Variants in PRKN observed in about 807,000 individuals in gnomAD.
PRKN encodes E3 ubiquitin-protein ligase parkin.
A neutral mutation model predicts 59.5 loss-of-function variants in PRKN; 56 were observed. The ratio of observed to expected loss-of-function variants is 0.94; its 90% CI spans 0.76 to 1.18. The LOEUF is 1.18. Ranked by LOEUF, PRKN falls within the 50% of genes most tolerant of loss-of-function variation. The pLI is 0.00. For missense variants in PRKN, 657 were observed against 596.4 expected, an observed-to-expected ratio of 1.10 and a Z score of -1.06; for synonymous variants, 250 against 222.1, an observed-to-expected ratio of 1.13 and a Z score of -1.12.
chr6:162,203,170 T>C (rs1276887606), intron 3 of PRKN, among the ~76,000 whole-genome samples: 1 of 152,140 alleles, frequency 6.6e-6, no homozygotes, highest in Non-Finnish European at 1.5e-5. Flanking sequence ...GCAATATTGT[T>C]TCAGCTAATG....
intron 6 of PRKN, among the ~76,000 whole-genome samples, chr6:161,953,920 G>A (rs1002246666): frequency 6.6e-6 from 1 of 152,144 alleles, no homozygotes; most frequent in South Asian, 2.1e-4. Flanking sequence ...ACCTGGGCTT[G>A]AGACCCTACT....
At chr6:161,752,195 C>A (rs138411031) in intron 7 of PRKN, among the ~76,000 whole-genome samples, 62 of 152,122 alleles carry the variant, frequency 4.1e-4, no homozygotes, top group African/African-American at 1.4e-3. Context: ...CGTGGTGAAA[C>A]CCTGTCTCTA....
rs1261159489 is a variant in PRKN, at chr6:161,371,351, G to T, written c.1168-11146C>A. Among the ~76,000 whole-genome samples the T allele has an allele frequency of 1.3e-5, 2 of 152,036 alleles. No individual in the cohort carries two copies. The highest frequency in any genetic ancestry group is 1.3e-4 in the Admixed American group (2 of 15,270). ...GGCTACTTGGGAGGCTGAGGGAGGAGACGGAGTTTCACCATGTTGGCCAGG... is the reference window on the plus strand; with the variant it reads ...GGCTACTTGGGAGGCTGAGGGAGGATACGGAGTTTCACCATGTTGGCCAGG... On this transcript the variant is annotated intron_variant, in intron 10 of 11. Transcript: ENST00000366898. The surrounding 1 kb of genome is among the most constrained non-coding windows in gnomAD (Gnocchi z 5.5).
At chr6:161,863,488 G>A (rs1281607502) in intron 6 of PRKN, among the ~76,000 whole-genome samples, 1 of 152,136 alleles carries the variant, frequency 6.6e-6, no homozygotes, top group African/African-American at 2.4e-5. Context: ...TGTGTGTACT[G>A]TACAACAGTG....
chr6:162,384,170 A>G (rs1414630940), intron 2 of PRKN, among the ~76,000 whole-genome samples: 1 of 152,172 alleles, frequency 6.6e-6, no homozygotes, highest in African/African-American at 2.4e-5. Context: ...GCATTCACAA[A>G]TTGGCTATTT....
chr6:162,307,413 A>C (rs982169393), intron 2 of PRKN, among the ~76,000 whole-genome samples: 3 of 151,634 alleles, frequency 2.0e-5, no homozygotes, highest in Non-Finnish European at 2.9e-5. Context: ...AAAAAAAAAA[A>C]AAAAACACCA....
chr6:161,543,565 T>C (rs941259689), intron 9 of PRKN, among the ~76,000 whole-genome samples: 2 of 152,204 alleles, frequency 1.3e-5, no homozygotes, highest in African/African-American at 4.8e-5. Flanking sequence ...TTAGATGCCT[T>C]AAGAAATTCT....
rs894494233 is a variant in PRKN at position 161,386,271 on chromosome 6, A to C, written c.1167+523T>G. Among the ~76,000 whole-genome samples, 1 of 152,184 alleles carries C rather than the reference A, an allele frequency of 6.6e-6. No individual in the cohort carries two copies. Among genetic ancestry groups the C allele is most frequent in the Non-Finnish European group, 1.5e-5 (1 of 68,034 alleles). ...TGCACTTTCCTAAGACTGAGATAGCACCTTAGAGAGTGAGGCTCGGCCAAC... is the reference window on the plus strand; with the variant it reads ...TGCACTTTCCTAAGACTGAGATAGCCCCTTAGAGAGTGAGGCTCGGCCAAC... On this transcript the variant is annotated intron_variant, in intron 10 of 11. Transcript: ENST00000366898. The surrounding 1 kb of genome is among the most constrained non-coding windows in gnomAD (Gnocchi z 4.3).
intron 2 of PRKN, among the ~76,000 whole-genome samples, chr6:162,434,600 A>G (rs1789686063): frequency 6.6e-6 from 1 of 152,192 alleles, no homozygotes; most frequent in Admixed American, 6.5e-5. Flanking sequence ...CACTAAAGTT[A>G]TACTTTAACA....
At position 161,450,493 on chromosome 6, in the gene PRKN, A is replaced by ACTT. The variant is rs559705977; in HGVS notation, c.1084-63619_1084-63617dup. On this transcript the variant is annotated intron_variant, in intron 9 of 11. Coordinates refer to ENST00000366898, the MANE Select transcript of PRKN (RefSeq NM_004562.3). ...TTTCCAATGCCCAATTGTTTTCTTG[A>ACTT]CTTCTCCATAAGTTTCAGCATATCT... 4.5e-4 allele frequency among the ~76,000 whole-genome samples: 69 copies of ACTT among 152,274 alleles called. 1 individual carries two copies. Among genetic ancestry groups the ACTT allele is most frequent in the South Asian group, 1.7e-3 (8 of 4,820 alleles).
intron 1 of PRKN, among the ~76,000 whole-genome samples, chr6:162,590,697 C>G (rs778557142): frequency 6.6e-6 from 1 of 152,186 alleles, no homozygotes; most frequent in Non-Finnish European, 1.5e-5. Context: ...GTAAGAAACA[C>G]TGACATAACC....
At chr6:162,334,858 A>G (rs533003373) in intron 2 of PRKN, among the ~76,000 whole-genome samples, 77 of 152,310 alleles carry the variant, frequency 5.1e-4, no homozygotes, top group African/African-American at 1.6e-3. Context: ...GAAGATTTGG[A>G]TTCCATCTTT....
At position 161,690,958 on chromosome 6, in the gene PRKN, A is replaced by AATCCATCCATCCATCC. The variant is rs35211075; in HGVS notation, c.871+94798_871+94813dup. Among the ~76,000 whole-genome samples the AATCCATCCATCCATCC allele has an allele frequency of 4.6e-3, 664 of 145,826 alleles. 2 individuals carry two copies. The highest frequency in any genetic ancestry group is 7.4e-3 in the Non-Finnish European group (493 of 66,456). On this transcript the variant is annotated intron_variant, in intron 7 of 11. Transcript: ENST00000366898. ...CTATCTGTGTATCGATCGATTGAAC[A>AATCCATCCATCCATCC]ATCCATCCATCCATCCATCCATCCA... is the stretch of plus-strand genomic sequence containing the variant.
intron 6 of PRKN, among the ~76,000 whole-genome samples, chr6:161,792,235 G>C (rs1790667950): frequency 6.6e-6 from 1 of 152,212 alleles, no homozygotes; most frequent in Admixed American, 6.5e-5. Context: ...CAGCCACTAA[G>C]TTATGGGATA....
rs1199488382 is a variant in PRKN, at chr6:162,407,648, AT to A, written c.171+35661del. On this transcript the variant is annotated intron_variant, in intron 2 of 11. Coordinates refer to ENST00000366898, the MANE Select transcript of PRKN (RefSeq NM_004562.3). The stretch of plus-strand genomic sequence containing the variant: ...AACAAAGAATCAGATCTCAATTCTT[AT>A]CACCTGCTAGTCATAATTAAAATGT... Among the ~76,000 whole-genome samples, 3 of 152,306 alleles carry A rather than the reference AT, an allele frequency of 2.0e-5. No homozygotes were observed. In the East Asian group the frequency reaches 5.8e-4, roughly 29 times the overall value.
chr6:162,233,893 C>A (rs12663868), intron 3 of PRKN, among the ~76,000 whole-genome samples: 2 of 152,056 alleles, frequency 1.3e-5, no homozygotes, highest in African/African-American at 2.4e-5. Flanking sequence ...TCACCAGATG[C>A]CGGTGGCATG....
intron 1 of PRKN, among the ~76,000 whole-genome samples, chr6:162,574,809 T>C (rs1342421011): frequency 1.3e-5 from 2 of 148,204 alleles, no homozygotes; most frequent in African/African-American, 2.5e-5. Flanking sequence ...AGAGGTATTT[T>C]GTTGTTTTAA....
At chr6:161,922,422 A>G (rs890307874) in intron 6 of PRKN, among the ~76,000 whole-genome samples, 3 of 152,208 alleles carry the variant, frequency 2.0e-5, no homozygotes, top group African/African-American at 7.2e-5. Context: ...GCATGCAAAC[A>G]AATATTAGTT....
chr6:162,258,465 T>C (rs980666591), intron 3 of PRKN, among the ~76,000 whole-genome samples: 12 of 152,188 alleles, frequency 7.9e-5, no homozygotes, highest in Admixed American at 3.3e-4. Context: ...CAATAACACA[T>C]GAAGGTAATT....
Sources: allele counts gnomAD v4.1 joint callset (sites outside exome capture counted in the v4.1 genomes callset), GRCh38; gene constraint gnomAD v4.1.1; non-coding constraint Gnocchi (gnomAD v3.1); transcripts MANE v1.5; gene names NCBI Gene and HGNC (gene_info 2026-07-23, HGNC 2026-07-21).